TTC27: variants seen among roughly 807,000 people sequenced by gnomAD.
TTC27 encodes the protein tetratricopeptide repeat domain 27.
In TTC27, 79 loss-of-function variants were observed where a neutral mutation model predicts 115.9. That is an observed-to-expected ratio of 0.68 (90% CI 0.57 to 0.82). The LOEUF is 0.82. TTC27 is among the 40% of genes least tolerant of loss of function. The pLI, the probability that TTC27 is intolerant of heterozygous loss-of-function variation, is 0.00. For missense variants in TTC27, 1,054 were observed against 993.1 expected (o/e 1.06, Z -0.82); for synonymous variants, 401 against 356.0 (o/e 1.13, Z -1.42).
chr2:32,754,886 C>T (rs1372382166), intron 12 of TTC27, among the ~76,000 whole-genome samples: 1 of 150,900 alleles, frequency 6.6e-6, no homozygotes, highest in Admixed American at 6.6e-5. Flanking sequence ...TGACCCCCCC[C>T]ACCTCCCTCC....
At chr2:32,739,535 TTC>T (rs372703205) in intron 12 of TTC27, among the ~76,000 whole-genome samples, 88 of 152,280 alleles carry the variant, frequency 5.8e-4, no homozygotes, top group African/African-American at 1.9e-3. Flanking sequence ...TGACAAATGC[TTC>T]TGTTTCTAAA....
chr2:32,665,903 T>C (rs1418023715), intron 6 of TTC27, among the ~76,000 whole-genome samples: 1 of 151,944 alleles, frequency 6.6e-6, no homozygotes, highest in Admixed American at 6.6e-5. Context: ...AAAAATAAAA[T>C]AAAATAAAAT....
chr2:32,804,575 T>A (rs1466358183), intron 16 of TTC27, among the ~76,000 whole-genome samples: 1 of 152,072 alleles, frequency 6.6e-6, no homozygotes, highest in East Asian at 1.9e-4. Context: ...ATGAAAAAAA[T>A]TCTATAGCCT....
At chr2:32,743,310 A>G (rs1267434839) in intron 12 of TTC27, among the ~76,000 whole-genome samples, 1 of 152,192 alleles carries the variant, frequency 6.6e-6, no homozygotes, top group African/African-American at 2.4e-5. Context: ...CTTCTCACTC[A>G]AGTATGAATA....
chr2:32,763,889 A>G (rs1313461926), intron 13 of TTC27, among the ~76,000 whole-genome samples: 1 of 152,226 alleles, frequency 6.6e-6, no homozygotes, highest in African/African-American at 2.4e-5. Context: ...AATGGGAGGG[A>G]AATCTGACCA....
At chr2:32,814,333 A>G (rs965610704) in intron 18 of TTC27, among the ~76,000 whole-genome samples, 1 of 151,972 alleles carries the variant, frequency 6.6e-6, no homozygotes, top group African/African-American at 2.4e-5. Context: ...ACAAGTGTCC[A>G]TTCTTTTAAG....
At position 32,725,612 on chromosome 2, in the gene TTC27, A is replaced by T. The variant is rs368482033; in HGVS notation, c.1234-8216A>T. On this transcript the variant is annotated intron_variant, in intron 10 of 19. Transcript: ENST00000317907. ...TACAGCTTCCCTCCTGTCTGCTTTCATGGGCTGGCATTGAGAGTCTACAGC... is the reference window on the plus strand; with the variant it reads ...TACAGCTTCCCTCCTGTCTGCTTTCTTGGGCTGGCATTGAGAGTCTACAGC... Among the ~76,000 whole-genome samples, 5 of 152,096 alleles carry T rather than the reference A, an allele frequency of 3.3e-5. No homozygotes were observed. The East Asian group carries it at 9.6e-4, about 29-fold the overall frequency.
chr2:32,771,020 C>A (rs547848021), intron 13 of TTC27, among the ~76,000 whole-genome samples: 1 of 152,222 alleles, frequency 6.6e-6, no homozygotes, highest in African/African-American at 2.4e-5. Context: ...GCATAACTGC[C>A]AAGAAATGTG....
At chr2:32,682,847 G>GTTTTTTTTTTTTT (rs70938360) in intron 9 of TTC27, among the ~76,000 whole-genome samples, 6 of 49,784 alleles carry the variant, frequency 1.2e-4, no homozygotes, top group Admixed American at 3.4e-4. Flanking sequence ...TTTTATTGTT[G>GTTTTTTTTTTTTT]TTTTTTTTTT....
chr2:32,765,626 G>C (rs898964784), intron 13 of TTC27, among the ~76,000 whole-genome samples: 1 of 152,208 alleles, frequency 6.6e-6, no homozygotes, highest in African/African-American at 2.4e-5. Context: ...CTCTAGCTAT[G>C]AAAGTCCTAG....
At chr2:32,715,815 T>C (rs995143294) in intron 10 of TTC27, among the ~76,000 whole-genome samples, 1 of 152,044 alleles carries the variant, frequency 6.6e-6, no homozygotes, top group Admixed American at 6.6e-5. Flanking sequence ...TTTGTTACAC[T>C]GAGGCTCGTA....
intron 5 of TTC27, among the ~76,000 whole-genome samples, chr2:32,663,006 C>G (rs1665610178): frequency 6.6e-6 from 1 of 152,188 alleles, no homozygotes; most frequent in South Asian, 2.1e-4. Flanking sequence ...TGAAGCCTCA[C>G]TAATGGTGGA....
intron 13 of TTC27, among the ~76,000 whole-genome samples, chr2:32,772,225 C>T (rs930867717): frequency 2.4e-4 from 36 of 152,294 alleles, no homozygotes; most frequent in African/African-American, 8.2e-4. Flanking sequence ...ATTACAGTCA[C>T]TGTCTTCAGC....
chr2:32,745,054 CAAAAAA>C lies in TTC27; in HGVS notation c.1452+8260_1452+8265del, dbSNP rs57044153. Among the ~76,000 whole-genome samples, 13 of 49,882 alleles carry C rather than the reference CAAAAAA, an allele frequency of 2.6e-4. No individual in the cohort carries two copies. In the East Asian group the frequency reaches 5.3e-3, roughly 20 times the overall value. 32.7% of individuals were successfully genotyped at this position (49,882 alleles called of 152,430 possible). On this transcript the variant is annotated intron_variant, in intron 12 of 19. Transcript: ENST00000317907. The stretch of plus-strand genomic sequence containing the variant: ...CTGGGCAACAGAGTGAACTCTGTCT[CAAAAAA>C]AAAAAAAAAAAAAAAAAAAAAGCAC...
At chr2:32,703,564 A>T (rs966501560) in intron 10 of TTC27, among the ~76,000 whole-genome samples, 1 of 152,246 alleles carries the variant, frequency 6.6e-6, no homozygotes, top group Non-Finnish European at 1.5e-5. Context: ...CCCCATAGGT[A>T]TGGGTTGTAT....
intron 18 of TTC27, among the ~76,000 whole-genome samples, chr2:32,814,350 T>C (rs1373790598): frequency 6.6e-6 from 1 of 152,256 alleles, no homozygotes; most frequent in African/African-American, 2.4e-5. Flanking sequence ...TAAGTTCTCC[T>C]CTGACATCAT....
chr2:32,730,910 T>C (rs955059618), intron 10 of TTC27, among the ~76,000 whole-genome samples: 18 of 151,446 alleles, frequency 1.2e-4, no homozygotes, highest in African/African-American at 4.4e-4. Flanking sequence ...GCATGAGCCA[T>C]TGCACCCGGC....
At chr2:32,668,156 A>C (rs1572495650) in intron 7 of TTC27, among the ~76,000 whole-genome samples, 1 of 152,098 alleles carries the variant, frequency 6.6e-6, no homozygotes, top group African/African-American at 2.4e-5. Flanking sequence ...ATGCCACTGC[A>C]CTCCAGCCTG....
intron 16 of TTC27, among the ~76,000 whole-genome samples, chr2:32,805,346 T>C (rs1671093832): frequency 6.6e-6 from 1 of 152,226 alleles, no homozygotes; most frequent in East Asian, 1.9e-4. Flanking sequence ...CTCATCCTTA[T>C]CTAAGCTCAG....
Sources: allele counts gnomAD v4.1 joint callset (sites outside exome capture counted in the v4.1 genomes callset), GRCh38; gene constraint gnomAD v4.1.1; transcripts MANE v1.5; gene names NCBI Gene and HGNC (gene_info 2026-07-23, HGNC 2026-07-21).